Variants in MROH2B observed in about 807,000 individuals in gnomAD.
The protein encoded by MROH2B is maestro heat like repeat family member 2B.
Under a neutral mutation model 208.6 loss-of-function variants are expected in MROH2B, and 177 were observed. That is an observed-to-expected ratio of 0.85 (90% CI 0.75 to 0.96). MROH2B has a LOEUF of 0.96. MROH2B is among the 40% of genes least tolerant of loss of function. The pLI, the probability that MROH2B is intolerant of heterozygous loss-of-function variation, is 0.00. For missense variants in MROH2B, 2,002 were observed against 1,878.7 expected, an observed-to-expected ratio of 1.07 and a Z score of -1.21; for synonymous variants, 728 against 659.0, an observed-to-expected ratio of 1.10 and a Z score of -1.60.
intron 6 of MROH2B, among the ~76,000 whole-genome samples, chr5:41,059,490 A>AT (rs1579957676): frequency 6.6e-6 from 1 of 152,122 alleles, no homozygotes; most frequent in African/African-American, 2.4e-5. Context: ...TGTTTGATAA[A>AT]TTTTTTGTAT....
chr5:41,004,442 C>T lies in MROH2B; in HGVS notation c.4098G>A (p.Leu1366=), dbSNP rs1439417047. ...GCTCCAGGATTTTTTTTAGAGCCTT[C>T]AAGCTTTCACAGACGACTTCAGTGC... ...LARTEVVCES[L]KALKKILELL... is the part of the protein sequence containing the mutation. The change falls in exon 37 of 42, where the codon TTG becomes TTA. Residue 1366 remains leucine, a synonymous_variant. Transcript: ENST00000399564. 1.9e-6 allele frequency: 3 copies of T among 1,614,010 alleles called. No homozygotes were observed. Among genetic ancestry groups the T allele is most frequent in the East Asian group, 2.2e-5 (1 of 44,886 alleles).
chr5:41,064,436 G>T lies in MROH2B; in HGVS notation c.460+36C>A, dbSNP rs531556788. On this transcript the variant is annotated intron_variant, in intron 5 of 41. Transcript: ENST00000399564. ...AATTTGTAAGACAGTTCACAGCCTG[G>T]TTTTTAAGCAAAAAGGAAATCATCG... 4.5e-6 allele frequency: 7 copies of T among 1,568,434 alleles called. No homozygotes were observed. The Admixed American group carries it at 1.0e-4, about 23-fold the overall frequency.
At chr5:41,027,082 A>T (rs1413587875) in intron 24 of MROH2B, among the ~76,000 whole-genome samples, 2 of 152,212 alleles carry the variant, frequency 1.3e-5, no homozygotes, top group Non-Finnish European at 2.9e-5. Flanking sequence ...AACCATAAAA[A>T]CCCTAGAAGA....
At chr5:41,018,633 G>T in intron 26 of MROH2B, 58 bp downstream of exon 26, 2 of 1,577,420 alleles carry the variant, frequency 1.3e-6, no homozygotes, top group South Asian at 1.1e-5. Flanking sequence ...GTTTGGAGTG[G>T]ACATTGAAGA....
chr5:41,038,712 A>T (rs1742843753), intron 21 of MROH2B, 24 bp downstream of exon 21: 1 of 1,578,378 alleles, frequency 6.3e-7, no homozygotes, highest in South Asian at 1.1e-5. Flanking sequence ...CTAGAAATGG[A>T]GGCAGCCATG....
At chr5:41,047,833 C>T (rs769961192) in intron 16 of MROH2B, 69 bp from the exon 17 acceptor site, 2 of 1,308,974 alleles carry the variant, frequency 1.5e-6, no homozygotes, top group Non-Finnish European at 2.1e-6. Context: ...TTCTCCCCTC[C>T]AGGCCTCCAG....
intron 21 of MROH2B, among the ~76,000 whole-genome samples, chr5:41,036,442 A>G (rs898090121): frequency 1.3e-5 from 2 of 152,160 alleles, no homozygotes; most frequent in African/African-American, 4.8e-5. Flanking sequence ...AGTCCATTAA[A>G]CATTGTTTTC....
chr5:41,055,457 A>G (rs1190991989), intron 10 of MROH2B, among the ~76,000 whole-genome samples: 1 of 111,208 alleles, frequency 9.0e-6, no homozygotes, highest in East Asian at 2.8e-4. Flanking sequence ...ATATTGGACC[A>G]TTTAATCAAC....
intron 35 of MROH2B, 199 bp from the exon 36 acceptor site, chr5:41,005,119 T>C (rs931746734): frequency 3.1e-6 from 2 of 644,094 alleles, no homozygotes; most frequent in African/African-American, 1.8e-5. Context: ...GCTTGCATGG[T>C]GATGTAAACC....
At chr5:41,016,217 G>C (rs1311978161) in intron 28 of MROH2B, among the ~76,000 whole-genome samples, 2 of 64,976 alleles carry the variant, frequency 3.1e-5, no homozygotes, top group Non-Finnish European at 6.9e-5. Flanking sequence ...GAGTATCGAT[G>C]GGTATTTAAT....
chr5:41,058,083 T>A lies in MROH2B; in HGVS notation c.736A>T (p.Ile246Phe). The change falls in exon 7 of 42, where the codon ATT (isoleucine) becomes TTT (phenylalanine). Residue 246 changes from isoleucine to phenylalanine, a missense_variant. Coordinates refer to ENST00000399564, the MANE Select transcript of MROH2B (RefSeq NM_173489.5). Reference sequence around the variant, plus strand: ...CTTACCTGAGTGACATGGAAATCAATCTCTTTGTCTTTATACTGGTTCAGG... The same window carrying A: ...CTTACCTGAGTGACATGGAAATCAAACTCTTTGTCTTTATACTGGTTCAGG... ...WLLNQYKDKE[I>F]DFHVTQSLKQ... 6.3e-7 allele frequency: 1 copy of A among 1,592,558 alleles called. No homozygotes were observed. Among genetic ancestry groups the A allele is most frequent in the Non-Finnish European group, 8.6e-7 (1 of 1,169,522 alleles).
intron 24 of MROH2B, among the ~76,000 whole-genome samples, chr5:41,028,036 C>T (rs565611489): frequency 2.3e-5 from 3 of 128,202 alleles, no homozygotes; most frequent in African/African-American, 8.9e-5. Flanking sequence ...CAGGGCCCGT[C>T]GTGGGGTGGG....
chr5:41,047,724 A>G lies in MROH2B; in HGVS notation c.1725T>C (p.Leu575=), dbSNP rs757823367. The G allele has an allele frequency of 2.5e-6, 4 of 1,595,040 alleles. No individual in the cohort carries two copies. Among genetic ancestry groups the G allele is most frequent in the Non-Finnish European group, 3.4e-6 (4 of 1,169,980 alleles). The change falls in exon 17 of 42, where the codon CTT becomes CTC. Residue 575 remains leucine, a synonymous_variant. Transcript: ENST00000399564. The part of the protein sequence containing the change: ...ISTVLWETML[L]QLLKESLWKI... ...TTATTCTAGAAGCCAGCCTTACCTG[A>G]AGCAGCATGGTTTCCCATAGAACGG...
At chr5:41,063,496 C>T (rs1242220381) in intron 5 of MROH2B, among the ~76,000 whole-genome samples, 2 of 152,142 alleles carry the variant, frequency 1.3e-5, no homozygotes, top group Admixed American at 6.5e-5. Flanking sequence ...TTAAAATACC[C>T]AGGGCAGTGT....
At chr5:41,054,981 T>C in intron 10 of MROH2B, 141 bp from the exon 11 acceptor site, 3 of 501,256 alleles carry the variant, frequency 6.0e-6, no homozygotes, top group Non-Finnish European at 1.0e-5. Context: ...TTCAATGCCC[T>C]CCCATCCTCT....
chr5:41,035,045 G>A (rs1742709530), intron 21 of MROH2B, among the ~76,000 whole-genome samples: 1 of 151,958 alleles, frequency 6.6e-6, no homozygotes, highest in African/African-American at 2.4e-5. Context: ...CAGATTCAAT[G>A]GTATTCCTAT....
chr5:41,027,832 T>C (rs1431942539), intron 24 of MROH2B, among the ~76,000 whole-genome samples: 7 of 152,176 alleles, frequency 4.6e-5, no homozygotes, highest in Non-Finnish European at 8.8e-5. Flanking sequence ...ATGTGGCACA[T>C]ATACACCATG....
At chr5:41,024,782 G>T (rs1344444643) in intron 24 of MROH2B, among the ~76,000 whole-genome samples, 3 of 152,152 alleles carry the variant, frequency 2.0e-5, no homozygotes, top group African/African-American at 7.2e-5. Flanking sequence ...CACATAGCTG[G>T]AAGTAAAGCT....
chr5:41,039,165 A>G (rs1742861310), intron 20 of MROH2B, among the ~76,000 whole-genome samples: 1 of 152,174 alleles, frequency 6.6e-6, no homozygotes, highest in Non-Finnish European at 1.5e-5. Flanking sequence ...CAGAGTATGC[A>G]TGAGAGGAGC....
Sources: gnomAD v4.1 joint callset for allele counts (sites outside exome capture counted in the v4.1 genomes callset) on GRCh38, gnomAD v4.1.1 for gene constraint, MANE v1.5 for transcripts, NCBI Gene and HGNC (gene_info 2026-07-23, HGNC 2026-07-21) for gene names.